ZSWIM8: variants seen among roughly 807,000 people sequenced by gnomAD.
ZSWIM8 encodes the protein zinc finger SWIM domain-containing protein 8.
In ZSWIM8, 27 loss-of-function variants were observed where a neutral mutation model predicts 173.7. The observed-to-expected ratio is 0.16, with a 90% confidence interval of 0.11 to 0.21. The LOEUF (loss-of-function observed/expected upper bound fraction) is 0.21. ZSWIM8 is among the 10% of genes least tolerant of loss of function. ZSWIM8 has a pLI of 1.00. For missense variants in ZSWIM8, 1,627 were observed against 2,428.8 expected (o/e 0.67, Z 6.94); for synonymous variants, 958 against 962.0 (o/e 1.00, Z 0.08).
Position 73,789,258 on chromosome 10 carries a change from A to T in ZSWIM8, c.457+68A>T. The T allele has an allele frequency of 6.2e-7, 1 of 1,608,130 alleles. No homozygotes were observed. The highest frequency in any genetic ancestry group is 8.5e-7 in the Non-Finnish European group (1 of 1,175,476). Reference sequence around the variant, plus strand: ...ATCCCCTGGCTTATGAAGTAAGAACACACCGCAAGAAGCTGGAGCATGTTG... The same window carrying T: ...ATCCCCTGGCTTATGAAGTAAGAACTCACCGCAAGAAGCTGGAGCATGTTG... On this transcript the variant is annotated intron_variant, in intron 3 of 25. Coordinates refer to ENST00000604729, the MANE Select transcript of ZSWIM8 (RefSeq NM_001367799.1). This position sits in a 1 kb window ranked among gnomAD's most constrained non-coding sequence, Gnocchi z 6.8.
In ZSWIM8 at chr10:73,791,294, G is replaced by A; in HGVS notation, c.1144-30G>A. On this transcript the variant is annotated intron_variant, in intron 8 of 25. Coordinates refer to ENST00000604729, the MANE Select transcript of ZSWIM8 (RefSeq NM_001367799.1). This position sits in a 1 kb window ranked among gnomAD's most constrained non-coding sequence, Gnocchi z 6.0. Reference sequence around the variant, plus strand: ...TACTCTGCCTTTCTCTGAGCTCTCAGGTGCAGCTCACAGCCTTCTTTGTCT... The same window carrying A: ...TACTCTGCCTTTCTCTGAGCTCTCAAGTGCAGCTCACAGCCTTCTTTGTCT... 6.3e-7 allele frequency: 1 copy of A among 1,588,380 alleles called. No individual in the cohort carries two copies. The highest frequency in any genetic ancestry group is 2.3e-5 in the East Asian group (1 of 44,272).
At position 73,801,213 on chromosome 10, in the gene ZSWIM8, T is replaced by C. The variant is rs1287509754; in HGVS notation, c.5301+18T>C. 12 of 1,598,284 alleles carry C rather than the reference T, an allele frequency of 7.5e-6. No homozygotes were observed. Among genetic ancestry groups the C allele is most frequent in the East Asian group, 2.3e-5 (1 of 44,246 alleles). On this transcript the variant is annotated intron_variant, in intron 25 of 25. Transcript: ENST00000604729. The surrounding 1 kb of genome is among the most constrained non-coding windows in gnomAD (Gnocchi z 4.9). The stretch of plus-strand genomic sequence containing the variant: ...ACATGCAGGTGACAACCTAGAATTA[T>C]GGAGCAGGGTGGAGCACTTCCTGGG...
At position 73,794,570 on chromosome 10, in the gene ZSWIM8, A is replaced by G. The variant is rs772825091; in HGVS notation, c.2839A>G (p.Ser947Gly). The G allele has an allele frequency of 1.5e-5, 23 of 1,561,086 alleles. No homozygotes were observed. Among genetic ancestry groups the G allele is most frequent in the Middle Eastern group, 1.7e-4 (1 of 6,012 alleles). ...VVSPTGSRPP[S>G]RNWNSETPGD... is the part of the protein sequence containing the mutation. ...TTCTCCCACAGGTTCCCGGCCCCCA[A>G]GTCGCAACTGGAACAGCGAGACACC... Residue 947 changes from serine to glycine, a missense_variant, in exon 14 of 26, where the codon AGT (serine) becomes GGT (glycine). This residue lies in a region of ZSWIM8 where 169 missense variants were observed against 235.3 expected (regional missense o/e 0.72). Transcript: ENST00000604729.
Position 73,790,960 on chromosome 10 carries a change from C to T in ZSWIM8, c.942-15C>T, listed in dbSNP as rs2083397021. The T allele has an allele frequency of 1.2e-6, 2 of 1,600,704 alleles. No homozygotes were observed. Among genetic ancestry groups the T allele is most frequent in the African/African-American group, 2.7e-5 (2 of 74,764 alleles). On this transcript the variant is annotated splice_polypyrimidine_tract_variant and intron_variant, in intron 7 of 25. Transcript: ENST00000604729. The stretch of plus-strand genomic sequence containing the variant: ...CGTCTTACTGTCATGGTTTTCTGTT[C>T]CTCTGCTTTTACAGTGATGTGAACT...
At chr10:73,794,802 A>G (rs897185449) in intron 14 of ZSWIM8, 163 bp downstream of exon 14, 1 of 592,368 alleles carries the variant, frequency 1.7e-6, no homozygotes, top group Non-Finnish European at 2.9e-6. Flanking sequence ...AATGTGTGCT[A>G]TATGGCTGGG....
intron 13 of ZSWIM8, 72 bp downstream of exon 13, chr10:73,794,402 C>T: frequency 6.3e-7 from 1 of 1,575,322 alleles, no homozygotes; most frequent in South Asian, 1.2e-5. Context: ...GACCAAGAGC[C>T]CCAAGTTTCT....
chr10:73,788,241 A>G (rs898099029), intron 1 of ZSWIM8, among the ~76,000 whole-genome samples: 1 of 121,548 alleles, frequency 8.2e-6, no homozygotes, highest in Non-Finnish European at 1.8e-5. Context: ...AGGGATGGTT[A>G]AAAAAAAAAA....
rs770311888 is a variant in ZSWIM8 at position 73,799,201 on chromosome 10, G to A, written c.4376G>A (p.Arg1459Gln). ...ATCAGGGCAGGTGGGGAAGCTGGGCGGGGTATGCCTGAGGGTAGAGGGGGC... is the reference window on the plus strand; with the variant it reads ...ATCAGGGCAGGTGGGGAAGCTGGGCAGGGTATGCCTGAGGGTAGAGGGGGC... Reference protein sequence around the residue: ...SGIRAGGEAGRGMPEGRGGPG... With the variant: ...SGIRAGGEAGQGMPEGRGGPG... The change falls in exon 21 of 26, where the codon CGG becomes CAG. Residue 1459 changes from arginine (R) to glutamine (Q), a missense_variant. This residue lies in a region of ZSWIM8 where 275 missense variants were observed against 290.1 expected (regional missense o/e 0.95). Coordinates refer to ENST00000604729, the MANE Select transcript of ZSWIM8 (RefSeq NM_001367799.1). 24 of 1,608,532 alleles carry A rather than the reference G, an allele frequency of 1.5e-5. 1 individual carries two copies. The Middle Eastern group carries it at 6.6e-4, about 44-fold the overall frequency.
Position 73,789,776 on chromosome 10 carries a change from C to T in ZSWIM8, c.690C>T (p.Asp230=). The change falls in exon 5 of 26, where the codon GAC becomes GAT. Residue 230 remains aspartate, a synonymous_variant. Transcript: ENST00000604729. The surrounding 1 kb of genome is among the most constrained non-coding windows in gnomAD (Gnocchi z 6.8). ...AGTCCCTGTCCCGGCTACAGAGGGA[C>T]CAGCTGCAAAAGTTTGCTCAGTACC... ...VSESLSRLQR[D]QLQKFAQYLI... is the part of the protein sequence containing the mutation. 6.2e-7 allele frequency: 1 copy of T among 1,610,442 alleles called. No individual in the cohort carries two copies. The highest frequency in any genetic ancestry group is 8.5e-7 in the Non-Finnish European group (1 of 1,178,442).
rs1433599683 is a variant in ZSWIM8, at chr10:73,794,545, T to C, written c.2814T>C (p.Val938=). The C allele has an allele frequency of 6.4e-7, 1 of 1,562,424 alleles. No homozygotes were observed. Among genetic ancestry groups the C allele is most frequent in the Non-Finnish European group, 8.7e-7 (1 of 1,152,468 alleles). Residue 938 remains valine, a synonymous_variant, in exon 14 of 26, where the codon GTT becomes GTC. Coordinates refer to ENST00000604729, the MANE Select transcript of ZSWIM8 (RefSeq NM_001367799.1). ...FIFDVLCAPV[V]SPTGSRPPSR... is the part of the protein sequence containing the mutation. ...CTTACCCCAACTTTTATACAGTGGT[T>C]TCTCCCACAGGTTCCCGGCCCCCAA...
intron 21 of ZSWIM8, 88 bp downstream of exon 21, chr10:73,799,578 T>G (rs2083826214): frequency 6.5e-7 from 1 of 1,533,636 alleles, no homozygotes; most frequent in Admixed American, 2.0e-5. Context: ...GGAGTATAAT[T>G]GGTCAGTCGG....
At chr10:73,790,317 T>G in intron 7 of ZSWIM8, 25 bp downstream of exon 7, 2 of 1,573,214 alleles carry the variant, frequency 1.3e-6, no homozygotes, top group African/African-American at 1.4e-5. Flanking sequence ...TGCATACCTG[T>G]GTCTGTGGTG....
chr10:73,791,921 G>A lies in ZSWIM8; in HGVS notation c.1382G>A (p.Arg461Gln). The change falls in exon 10 of 26, where the codon CGG becomes CAG. Residue 461 changes from arginine to glutamine, a missense_variant. By Grantham distance (43) the Arg-to-Gln change is conservative. Around this residue, in one of 18 missense-constraint regions of ZSWIM8, gnomAD observed 103 missense variants for 155.6 expected, o/e 0.66. Transcript: ENST00000604729. The surrounding 1 kb of genome is among the most constrained non-coding windows in gnomAD (Gnocchi z 6.0). ...CTGAAGGTGATTGAGAACGTCAAGC[G>A]GGGCCAACACAAGAAGACGCTGGAG... ...WQLKVIENVK[R>Q]GQHKKTLERL... 1.3e-6 allele frequency: 2 copies of A among 1,551,688 alleles called. No individual in the cohort carries two copies. The highest frequency in any genetic ancestry group is 1.7e-6 in the Non-Finnish European group (2 of 1,146,958).
Position 73,800,787 on chromosome 10 carries a change from GCCCC to G in ZSWIM8, c.5122+35_5122+38del. The G allele has an allele frequency of 1.4e-5, 18 of 1,321,924 alleles. No individual in the cohort carries two copies. The highest frequency in any genetic ancestry group is 1.6e-5 in the Non-Finnish European group (16 of 972,878). 81.9% of individuals were successfully genotyped at this position (1,321,924 alleles called of 1,614,324 possible). A position where few individuals can be genotyped will look rare whatever the true frequency, so the allele number is the denominator to read the frequency against. ...AACACCTCCCCTCCCTAGGACCATT[GCCCC>G]CCCCCCACCTGCTCTCCCCACCTTC... On this transcript the variant is annotated intron_variant, in intron 24 of 25. Coordinates refer to ENST00000604729, the MANE Select transcript of ZSWIM8 (RefSeq NM_001367799.1). The surrounding 1 kb of genome is among the most constrained non-coding windows in gnomAD (Gnocchi z 4.1).
At position 73,800,533 on chromosome 10, in the gene ZSWIM8, C is replaced by A. The variant is rs1053465475; in HGVS notation, c.5002+61C>A. 1.9e-6 allele frequency: 3 copies of A among 1,604,158 alleles called. No individual in the cohort carries two copies. In the African/African-American group the frequency reaches 4.0e-5, roughly 21 times the overall value. On this transcript the variant is annotated intron_variant, in intron 23 of 25. Coordinates refer to ENST00000604729, the MANE Select transcript of ZSWIM8 (RefSeq NM_001367799.1). This position sits in a 1 kb window ranked among gnomAD's most constrained non-coding sequence, Gnocchi z 4.1. ...GTTGTGCCAGTGGCTCTTCAGAGGA[C>A]CCTTCCTCTAGCTCTTCATTTGTTT...
rs200674189 is a variant in ZSWIM8, at chr10:73,792,540, T to C, written c.2001T>C (p.Tyr667=). The change falls in exon 10 of 26, where the codon TAT becomes TAC. Residue 667 remains tyrosine, a synonymous_variant. Coordinates refer to ENST00000604729, the MANE Select transcript of ZSWIM8 (RefSeq NM_001367799.1). This position sits in a 1 kb window ranked among gnomAD's most constrained non-coding sequence, Gnocchi z 4.3. The stretch of plus-strand genomic sequence containing the variant: ...TCCTTCCTGAGCCCCCAGATACTTA[T>C]GAAGAAGATGGTGGTGTGTACTTCT... The part of the protein sequence containing the change: ...STFLPEPPDT[Y]EEDGGVYFSE... 4.6e-4 allele frequency: 736 copies of C among 1,614,014 alleles called. 3 individuals are homozygous for C. In the Middle Eastern group the frequency reaches 6.4e-3, roughly 14 times the overall value.
At chr10:73,793,766 A>G (rs188664394) in intron 11 of ZSWIM8, 47 bp downstream of exon 11, 3 of 1,473,926 alleles carry the variant, frequency 2.0e-6, no homozygotes, top group Non-Finnish European at 1.8e-6. Flanking sequence ...CTTACCCCCA[A>G]CCTGCTCCCA....
chr10:73,790,622 G>A (rs964876696), intron 7 of ZSWIM8, among the ~76,000 whole-genome samples: 1 of 152,152 alleles, frequency 6.6e-6, no homozygotes, highest in Non-Finnish European at 1.5e-5. Flanking sequence ...GCTGACGTGG[G>A]CAGATCACCT....
intron 21 of ZSWIM8, 92 bp downstream of exon 21, chr10:73,799,582 C>T (rs1270169968): frequency 8.5e-6 from 13 of 1,523,456 alleles, no homozygotes; most frequent in Non-Finnish European, 1.2e-5. Context: ...TATAATTGGT[C>T]AGTCGGAGAG....
Sources: allele counts gnomAD v4.1 joint callset (sites outside exome capture counted in the v4.1 genomes callset), GRCh38; gene constraint gnomAD v4.1.1; regional missense constraint gnomAD v4.1.1; non-coding constraint Gnocchi (gnomAD v3.1); transcripts MANE v1.5; gene names NCBI Gene and HGNC (gene_info 2026-07-23, HGNC 2026-07-21).